Variants in SLC17A1 observed in about 807,000 individuals in gnomAD.
The protein encoded by SLC17A1 is sodium-dependent phosphate transport protein 1.
Under a neutral mutation model 53.5 loss-of-function variants are expected in SLC17A1, and 51 were observed. The ratio of observed to expected loss-of-function variants is 0.95; its 90% confidence interval spans 0.76 to 1.20. SLC17A1 has a LOEUF of 1.20. Ranked by LOEUF, SLC17A1 falls within the 50% of genes most tolerant of loss-of-function variation. The pLI, the probability that SLC17A1 is intolerant of heterozygous loss-of-function variation, is 0.00. For synonymous variants in SLC17A1, 179 were observed against 198.8 expected (o/e 0.90, Z 0.84); for missense variants, 538 against 568.2 (o/e 0.95, Z 0.54).
At chr6:25,726,089 T>G in the SLC17A1 span, 11 of 1,481,020 alleles carry the variant, frequency 7.4e-6, no homozygotes, top group Non-Finnish European at 9.9e-6. Context: ...GAGCCTTTTG[T>G]TTTTTCTGAC....
the SLC17A1 span, among the ~76,000 whole-genome samples, chr6:25,768,135 G>C: frequency 6.6e-6 from 1 of 152,172 alleles, no homozygotes; most frequent in Admixed American, 6.5e-5. Context: ...TTTCATGGGT[G>C]GTGCATTGGC....
the SLC17A1 span, chr6:25,776,823 C>T: frequency 6.2e-7 from 1 of 1,613,944 alleles, no homozygotes; most frequent in Non-Finnish European, 8.5e-7. Context: ...GGTTCTCTTC[C>T]CATCCGTGAT....
rs747488042 is a variant in SLC17A1, at chr6:25,811,388, C to A, written c.1178+10G>T. On this transcript the variant is annotated intron_variant, in intron 10 of 12. Coordinates refer to ENST00000244527, the MANE Select transcript of SLC17A1 (RefSeq NM_005074.5). ...TAAAGGTTAAAAAAAAGCGTATAAA[C>A]AAATCCTACCTGGGAGCAATATCCA... 11 of 1,602,302 alleles carry A rather than the reference C, an allele frequency of 6.9e-6. No homozygotes were observed. The highest frequency in any genetic ancestry group is 7.7e-6 in the Non-Finnish European group (9 of 1,173,292).
At chr6:25,769,339 A>T in the SLC17A1 span, 1 of 767,190 alleles carries the variant, frequency 1.3e-6, no homozygotes, top group Admixed American at 2.8e-5. Flanking sequence ...TATCAGGCCG[A>T]GCATGGTGGC....
chr6:25,799,063 T>C lies in SLC17A1; in HGVS notation c.1270-144A>G, dbSNP rs553166901. 2.3e-4 allele frequency: 142 copies of C among 617,174 alleles called. 1 individual carries two copies. The South Asian group carries it at 2.4e-3, about 11-fold the overall frequency. The allele number at this position is 617,174 out of a possible 1,614,324, so 38.2% of individuals were successfully genotyped here. A position where few individuals can be genotyped will look rare whatever the true frequency, so the allele number is the denominator to read the frequency against. On this transcript the variant is annotated intron_variant, in intron 11 of 12. Transcript: ENST00000244527. ...TACTTATACATAGCCGAAAACGTCA[T>C]CATTTTACTTTATAAAATAATCACT... is the stretch of plus-strand genomic sequence containing the variant.
At chr6:25,784,502 A>G (rs989136573) in intron 12 of SLC17A1, among the ~76,000 whole-genome samples, 3 of 152,120 alleles carry the variant, frequency 2.0e-5, no homozygotes, top group African/African-American at 7.2e-5. Flanking sequence ...GGTACCACAC[A>G]CTGTTATACA....
chr6:25,729,422 T>C, the SLC17A1 span, among the ~76,000 whole-genome samples: 2 of 152,130 alleles, frequency 1.3e-5, no homozygotes, highest in East Asian at 1.9e-4. Flanking sequence ...GCAGAGAGGA[T>C]AGGATAAAGT....
chr6:25,814,219 T>G (rs746379335), intron 6 of SLC17A1, among the ~76,000 whole-genome samples: 2 of 152,240 alleles, frequency 1.3e-5, no homozygotes, highest in African/African-American at 2.4e-5. Flanking sequence ...TGCATTCATT[T>G]GACAAATATT....
chr6:25,801,350 C>T (rs1172121537), intron 10 of SLC17A1, among the ~76,000 whole-genome samples: 1 of 152,168 alleles, frequency 6.6e-6, no homozygotes, highest in East Asian at 1.9e-4. Flanking sequence ...ACCTGGTTTA[C>T]TCCCATAGGT....
the SLC17A1 span, among the ~76,000 whole-genome samples, chr6:25,745,803 G>A: frequency 6.6e-6 from 1 of 152,160 alleles, no homozygotes; most frequent in Non-Finnish European, 1.5e-5. Flanking sequence ...AAGGTCTGAG[G>A]GACCAAACCC....
intron 12 of SLC17A1, among the ~76,000 whole-genome samples, chr6:25,788,664 TGAGGA>T (rs1763435644): frequency 4.9e-5 from 1 of 20,234 alleles, no homozygotes; most frequent in African/African-American, 7.5e-5. Flanking sequence ...GTCCAAGAGA[TGAGGA>T]AGGTCCAGGA....
chr6:25,787,895 T>A (rs773337482), intron 12 of SLC17A1, among the ~76,000 whole-genome samples: 1 of 151,728 alleles, frequency 6.6e-6, no homozygotes, highest in Non-Finnish European at 1.5e-5. Flanking sequence ...GGAAAAGGAG[T>A]TTCCTCTGGA....
At position 25,819,852 on chromosome 6, in the gene SLC17A1, C is replaced by T. The variant is rs202046797; in HGVS notation, c.271G>A (p.Val91Ile). The T allele has an allele frequency of 5.1e-5, 83 of 1,614,044 alleles. No homozygotes were observed. Among genetic ancestry groups the T allele is most frequent in the Non-Finnish European group, 6.8e-5 (80 of 1,179,972 alleles). The part of the protein sequence containing the change: ...GIILSSTSYG[V>I]IIIQVPVGYF... Reference sequence around the variant, plus strand: ...CCAACAGGAACTTGGATGATGATGACACCATAGGAGGTGGAACTCAAGATG... The same window carrying T: ...CCAACAGGAACTTGGATGATGATGATACCATAGGAGGTGGAACTCAAGATG... The change falls in exon 4 of 13, where the codon GTC becomes ATC. Residue 91 changes from valine to isoleucine, a missense_variant. Val to Ile is a conservative substitution (Grantham distance 29). Coordinates refer to ENST00000244527, the MANE Select transcript of SLC17A1 (RefSeq NM_005074.5).
At chr6:25,738,518 T>G in the SLC17A1 span, among the ~76,000 whole-genome samples, 1 of 151,870 alleles carries the variant, frequency 6.6e-6, no homozygotes, top group East Asian at 1.9e-4. Context: ...TTTTTAGACA[T>G]GAAATCAAAA....
At chr6:25,802,990 A>G (rs1213915362) in intron 10 of SLC17A1, among the ~76,000 whole-genome samples, 6 of 112,940 alleles carry the variant, frequency 5.3e-5, no homozygotes, top group African/African-American at 2.1e-4. Flanking sequence ...TCTGTCGCCC[A>G]GGCTGGAGTG....
At chr6:25,773,552 A>G in the SLC17A1 span, 2 of 1,613,952 alleles carry the variant, frequency 1.2e-6, no homozygotes, top group Admixed American at 3.3e-5. Flanking sequence ...TAGGGCTATG[A>G]TCAAATCCTT....
chr6:25,749,989 A>G, the SLC17A1 span, among the ~76,000 whole-genome samples: 1 of 152,326 alleles, frequency 6.6e-6, no homozygotes, highest in East Asian at 1.9e-4. Flanking sequence ...AGGAAATAAA[A>G]TTACATTGTA....
chr6:25,798,136 C>A (rs1165518110), intron 12 of SLC17A1, among the ~76,000 whole-genome samples: 1 of 152,082 alleles, frequency 6.6e-6, no homozygotes, highest in Non-Finnish European at 1.5e-5. Context: ...ATATTCAACA[C>A]CTGGATCTCT....
At chr6:25,769,942 T>C in the SLC17A1 span, 1 of 793,938 alleles carries the variant, frequency 1.3e-6, no homozygotes, top group Non-Finnish European at 2.1e-6. Flanking sequence ...TACTGGTATA[T>C]TGGAGGAACT....
Sources: allele counts gnomAD v4.1 joint callset (sites outside exome capture counted in the v4.1 genomes callset), GRCh38; gene constraint gnomAD v4.1.1; transcripts MANE v1.5; gene names NCBI Gene and HGNC (gene_info 2026-07-23, HGNC 2026-07-21).